CCDC80: variants seen among roughly 807,000 people sequenced by gnomAD.
The protein encoded by CCDC80 is coiled-coil domain-containing protein 80.
CCDC80 carries 49 observed loss-of-function variants against 78.7 expected under a neutral mutation model. The observed-to-expected ratio is 0.62, with a 90% CI of 0.50 to 0.79. CCDC80 has a LOEUF of 0.79. CCDC80 is among the 30% of genes least tolerant of loss of function. The pLI, the probability that CCDC80 is intolerant of heterozygous loss-of-function variation, is 0.00. For missense variants in CCDC80, 1,205 were observed against 1,198.6 expected, an observed-to-expected ratio of 1.01 and a Z score of -0.08; for synonymous variants, 488 against 447.0, an observed-to-expected ratio of 1.09 and a Z score of -1.16.
chr3:112,613,952 A>G (rs1055186012), intron 5 of CCDC80, among the ~76,000 whole-genome samples: 43 of 152,110 alleles, frequency 2.8e-4, no homozygotes, highest in African/African-American at 9.6e-4. Flanking sequence ...TAAAATGACA[A>G]CTTGAAACTA....
chr3:112,615,030 T>G (rs992865668), intron 5 of CCDC80, among the ~76,000 whole-genome samples: 1 of 152,198 alleles, frequency 6.6e-6, no homozygotes, highest in African/African-American at 2.4e-5. Flanking sequence ...AATGGCTATG[T>G]GAAATGGAGA....
At position 112,616,774 on chromosome 3, in the gene CCDC80, G is replaced by A; in HGVS notation, c.2257C>T (p.Gln753Ter). 6.2e-7 allele frequency: 1 copy of A among 1,614,154 alleles called. No homozygotes were observed. The highest frequency in any genetic ancestry group is 8.5e-7 in the Non-Finnish European group (1 of 1,180,012). The change falls in exon 5 of 8, where the codon CAG becomes TAG. Residue 753 changes from glutamine to a stop codon, truncating the protein, a stop_gained. Transcript: ENST00000206423. LOFTEE classifies it high-confidence loss of function. ...TTGCAAACAATGCCCTCCTTCTTCTGCTTCTCCATATCTTTGATTCGGGAC... is the reference window on the plus strand; with the variant it reads ...TTGCAAACAATGCCCTCCTTCTTCTACTTCTCCATATCTTTGATTCGGGAC... ...FQSRIKDMEKQKKEGIVCKED... is the reference protein window; with the variant it reads ...FQSRIKDMEK
rs1935312203 is a variant in CCDC80 at position 112,598,038 on chromosome 3, G to A, written c.*7379C>T. The A allele has an allele frequency of 6.6e-6, 1 of 152,166 alleles. No homozygotes were observed. Among genetic ancestry groups the A allele is most frequent in the African/African-American group, 2.4e-5 (1 of 41,442 alleles). 9.4% of individuals were successfully genotyped at this position (152,166 alleles called of 1,614,324 possible). A position where few individuals can be genotyped will look rare whatever the true frequency, so the allele number is the denominator to read the frequency against. ...AGTATCCTGTATTAAGAACTGGGTT[G>A]ATCAAATGGTTCTTTCTTTGCACAT... On this transcript the variant is annotated 3_prime_UTR_variant, in exon 8 of 8. Coordinates refer to ENST00000206423, the MANE Select transcript of CCDC80 (RefSeq NM_199511.3).
chr3:112,610,548 G>A (rs1935603167), intron 5 of CCDC80, among the ~76,000 whole-genome samples: 1 of 152,208 alleles, frequency 6.6e-6, no homozygotes, highest in Admixed American at 6.5e-5. Context: ...TGTATTTTAA[G>A]TAGATTACAG....
chr3:112,639,482 G>A lies in CCDC80; in HGVS notation c.424C>T (p.Leu142Phe), dbSNP rs1238106346. 1.9e-6 allele frequency: 3 copies of A among 1,614,092 alleles called. No homozygotes were observed. Among genetic ancestry groups the A allele is most frequent in the African/African-American group, 1.3e-5 (1 of 74,930 alleles). Reference protein sequence around the residue: ...FPSGSSSPNILASFAGKNRVW... With the variant: ...FPSGSSSPNIFASFAGKNRVW... ...CTGTTCTTCCCTGCAAAGCTGGCAA[G>A]GATGTTGGGAGAGCTGGACCCCGAA... is the stretch of plus-strand genomic sequence containing the variant. Residue 142 changes from leucine (L) to phenylalanine (F), a missense_variant, in exon 2 of 8, where the codon CTT becomes TTT. Coordinates refer to ENST00000206423, the MANE Select transcript of CCDC80 (RefSeq NM_199511.3).
Position 112,609,998 on chromosome 3 carries a change from C to T in CCDC80, c.2405G>A (p.Ser802Asn). Reference protein sequence around the residue: ...WAYSQQLSALSGQACNFGLRH... With the variant: ...WAYSQQLSALNGQACNFGLRH... ...CTCACCAAAATTGCACGCCTGACCACTGAGGGCAGAGAGCTGCTGTGAATA... is the reference window on the plus strand; with the variant it reads ...CTCACCAAAATTGCACGCCTGACCATTGAGGGCAGAGAGCTGCTGTGAATA... The change falls in exon 6 of 8, where the codon AGT (serine) becomes AAT (asparagine). Residue 802 changes from serine (S) to asparagine (N), a missense_variant. Coordinates refer to ENST00000206423, the MANE Select transcript of CCDC80 (RefSeq NM_199511.3). 1 of 1,613,776 alleles carries T rather than the reference C, an allele frequency of 6.2e-7. No individual in the cohort carries two copies. The highest frequency in any genetic ancestry group is 8.5e-7 in the Non-Finnish European group (1 of 1,179,928).
Position 112,639,562 on chromosome 3 carries a change from C to T in CCDC80, c.344G>A (p.Arg115His). Residue 115 changes from arginine to histidine, a missense_variant, in exon 2 of 8, where the codon CGT becomes CAT. Physicochemically the swap from Arg to His is conservative, Grantham distance 29 (BLOSUM62 0). Transcript: ENST00000206423. Reference protein sequence around the residue: ...EQRPAARGSPREMIRDEGSSA... With the variant: ...EQRPAARGSPHEMIRDEGSSA... ...GGACCCCTCATCTCTGATCATCTCA[C>T]GCGGAGAGCCCCTGGCTGCTGGTCT... The T allele has an allele frequency of 1.9e-6, 3 of 1,614,156 alleles. No homozygotes were observed. Among genetic ancestry groups the T allele is most frequent in the South Asian group, 1.1e-5 (1 of 91,078 alleles).
chr3:112,617,423 C>T (rs1935775373), intron 4 of CCDC80, among the ~76,000 whole-genome samples: 1 of 152,218 alleles, frequency 6.6e-6, no homozygotes, highest in African/African-American at 2.4e-5. Context: ...ATCACAGCTG[C>T]CTGGACTTAC....
intron 6 of CCDC80, among the ~76,000 whole-genome samples, chr3:112,607,583 G>C (rs1035355621): frequency 2.6e-5 from 4 of 152,124 alleles, no homozygotes; most frequent in Non-Finnish European, 4.4e-5. Context: ...TCAGGAGATA[G>C]AGACCACCCT....
chr3:112,638,887 G>C lies in CCDC80; in HGVS notation c.1019C>G (p.Ala340Gly), dbSNP rs148827317. 5.3e-4 allele frequency: 861 copies of C among 1,613,520 alleles called. No homozygotes were observed. Among genetic ancestry groups the C allele is most frequent in the Non-Finnish European group, 6.7e-4 (795 of 1,180,012 alleles). Residue 340 changes from alanine (A) to glycine (G), a missense_variant, in exon 2 of 8, where the codon GCT becomes GGT. By Grantham distance (60) the Ala-to-Gly change is moderately conservative. Coordinates refer to ENST00000206423, the MANE Select transcript of CCDC80 (RefSeq NM_199511.3). ...VLRKLAATAP[A>G]LPQPPSTPRA... ...GGGGGTTGAGGGAGGTTGGGGCAAAGCTGGTGCAGTGGCGGCCAGTTTTCT... is the reference window on the plus strand; with the variant it reads ...GGGGGTTGAGGGAGGTTGGGGCAAACCTGGTGCAGTGGCGGCCAGTTTTCT...
chr3:112,630,169 A>T lies in CCDC80; in HGVS notation c.1979T>A (p.Ile660Asn), dbSNP rs1345216667. 6.2e-7 allele frequency: 1 copy of T among 1,614,002 alleles called. No individual in the cohort carries two copies. Among genetic ancestry groups the T allele is most frequent in the South Asian group, 1.1e-5 (1 of 91,080 alleles). The change falls in exon 3 of 8, where the codon ATC (isoleucine) becomes AAC (asparagine). Residue 660 changes from isoleucine (I) to asparagine (N), a missense_variant. Ile to Asn is a moderately radical substitution (Grantham distance 149, BLOSUM62 -3). Transcript: ENST00000206423. ...GTTGTTGACAGGGCCGAAGATGGTG[A>T]TCACAGAGATTTTCCTGGTAGCCAT... ...CKMATRKISV[I>N]TIFGPVNNST...
At chr3:112,625,958 T>C (rs1274517938) in intron 3 of CCDC80, among the ~76,000 whole-genome samples, 1 of 152,236 alleles carries the variant, frequency 6.6e-6, no homozygotes. Flanking sequence ...GGTCCCTCCA[T>C]TAAATCAACC....
At position 112,630,159 on chromosome 3, in the gene CCDC80, G is replaced by A. The variant is rs759163642; in HGVS notation, c.1989C>T (p.Phe663=). ...TCATGGTGCTGTTGTTGACAGGGCCGAAGATGGTGATCACAGAGATTTTCC... is the reference window on the plus strand; with the variant it reads ...TCATGGTGCTGTTGTTGACAGGGCCAAAGATGGTGATCACAGAGATTTTCC... The part of the protein sequence containing the change: ...ATRKISVITI[F]GPVNNSTMKI... Residue 663 remains phenylalanine (F), a synonymous_variant, in exon 3 of 8, where the codon TTC becomes TTT. Transcript: ENST00000206423. 15 of 1,613,754 alleles carry A rather than the reference G, an allele frequency of 9.3e-6. No individual in the cohort carries two copies. The highest frequency in any genetic ancestry group is 3.3e-5 in the South Asian group (3 of 91,070).
At chr3:112,625,049 T>C (rs1935938332) in intron 3 of CCDC80, among the ~76,000 whole-genome samples, 1 of 152,128 alleles carries the variant, frequency 6.6e-6, no homozygotes, top group African/African-American at 2.4e-5. Flanking sequence ...CCAATTTATA[T>C]AGAGTACCTA....
At chr3:112,619,885 A>G (rs957270158) in intron 3 of CCDC80, among the ~76,000 whole-genome samples, 1 of 152,222 alleles carries the variant, frequency 6.6e-6, no homozygotes, top group Non-Finnish European at 1.5e-5. Flanking sequence ...ATTTTCAAGG[A>G]CAGAAGAGCT....
At chr3:112,635,580 T>C (rs969685846) in intron 2 of CCDC80, among the ~76,000 whole-genome samples, 1 of 152,236 alleles carries the variant, frequency 6.6e-6, no homozygotes, top group Non-Finnish European at 1.5e-5. Context: ...GTCTATTTCA[T>C]TTGGTCTTTT....
intron 3 of CCDC80, among the ~76,000 whole-genome samples, chr3:112,629,379 T>A (rs1362243948): frequency 6.6e-6 from 1 of 151,408 alleles, no homozygotes; most frequent in African/African-American, 2.4e-5. Flanking sequence ...AGAGATGCAA[T>A]AATTATGAAA....
intron 5 of CCDC80, among the ~76,000 whole-genome samples, chr3:112,614,489 C>T (rs934809002): frequency 1.3e-5 from 2 of 151,740 alleles, no homozygotes; most frequent in Admixed American, 1.3e-4. Context: ...GATCTTGGAT[C>T]AGAAGTTGGT....
chr3:112,635,755 C>T (rs369011074), intron 2 of CCDC80, among the ~76,000 whole-genome samples: 2 of 152,198 alleles, frequency 1.3e-5, no homozygotes, highest in African/African-American at 4.8e-5. Context: ...ACCAACACTG[C>T]CAGGAGCAAT....
Sources: gnomAD v4.1 joint callset for allele counts (sites outside exome capture counted in the v4.1 genomes callset) on GRCh38, gnomAD v4.1.1 for gene constraint, MANE v1.5 for transcripts, NCBI Gene and HGNC (gene_info 2026-07-23, HGNC 2026-07-21) for gene names.